The following LRRC37A2 variants were observed in gnomAD, a reference collection of about 807,000 sequenced individuals.
The protein encoded by LRRC37A2 is leucine rich repeat containing 37 member A2.
A neutral mutation model predicts 68.8 loss-of-function variants in LRRC37A2; 9 were observed. That is an observed-to-expected ratio of 0.13 (90% CI 0.08 to 0.23). The LOEUF is 0.23. Ranked by LOEUF, LRRC37A2 falls within the 10% of genes least tolerant of loss-of-function variation. The pLI is 1.00. For synonymous variants in LRRC37A2, 63 were observed against 367.6 expected (o/e 0.17, Z 9.48); for missense variants, 168 against 950.4 (o/e 0.18, Z 10.82).
At chr17:46,694,120 C>T in the LRRC37A2 span, among the ~76,000 whole-genome samples, 1 of 132,142 alleles carries the variant, frequency 7.6e-6, no homozygotes, top group Non-Finnish European at 1.5e-5. Flanking sequence ...CGCAGTGGCT[C>T]ACACCTGTAA....
the LRRC37A2 span, chr17:46,728,933 A>G: frequency 3.8e-6 from 6 of 1,580,826 alleles, no homozygotes. Context: ...GCACCTCCTC[A>G]GGTAAAATAA....
chr17:46,723,008 A>C, the LRRC37A2 span, among the ~76,000 whole-genome samples: 2 of 152,184 alleles, frequency 1.3e-5, no homozygotes, highest in African/African-American at 4.8e-5. Context: ...TTTTCCTCTC[A>C]AATGTTATGT....
chr17:46,938,815 G>T, the LRRC37A2 span: 8 of 1,611,836 alleles, frequency 5.0e-6, no homozygotes, highest in Non-Finnish European at 6.8e-6. Context: ...GTGTGTGTGT[G>T]TGTGAAAGAG....
At chr17:46,846,124 C>A in the LRRC37A2 span, among the ~76,000 whole-genome samples, 1 of 152,152 alleles carries the variant, frequency 6.6e-6, no homozygotes, top group Non-Finnish European at 1.5e-5. Context: ...TCCTCCAGGT[C>A]ACTACTTACT....
the LRRC37A2 span, among the ~76,000 whole-genome samples, chr17:46,987,452 A>T: frequency 6.6e-6 from 1 of 152,210 alleles, no homozygotes; most frequent in Non-Finnish European, 1.5e-5. Flanking sequence ...TCGCATTAAA[A>T]AATTTGACAA....
At chr17:46,981,921 C>G in the LRRC37A2 span, among the ~76,000 whole-genome samples, 1 of 151,978 alleles carries the variant, frequency 6.6e-6, no homozygotes, top group Non-Finnish European at 1.5e-5. Flanking sequence ...AGGATGGTCT[C>G]GAACTCCTGG....
At chr17:46,709,697 G>T in the LRRC37A2 span, among the ~76,000 whole-genome samples, 852 of 152,030 alleles carry the variant, frequency 5.6e-3, 11 homozygotes, top group African/African-American at 0.019. Flanking sequence ...GTTTCACCAC[G>T]TTGGCCAGGT....
At chr17:46,758,852 G>A in the LRRC37A2 span, among the ~76,000 whole-genome samples, 2 of 152,122 alleles carry the variant, frequency 1.3e-5, no homozygotes, top group African/African-American at 4.8e-5. Flanking sequence ...AAACACAGAA[G>A]GTGAAAGCAG....
the LRRC37A2 span, chr17:46,751,519 A>T: frequency 6.2e-7 from 1 of 1,613,864 alleles, no homozygotes; most frequent in East Asian, 2.2e-5. Context: ...GGCAACTTCA[A>T]GGATAAGGAA....
the LRRC37A2 span, chr17:46,876,953 TGAG>T: frequency 7.6e-7 from 1 of 1,312,110 alleles, no homozygotes; most frequent in Non-Finnish European, 9.7e-7. Context: ...CCAACCTTGT[TGAG>T]GACTTGGAGA....
chr17:46,989,235 G>A, the LRRC37A2 span, among the ~76,000 whole-genome samples: 106,425 of 152,048 alleles, frequency 0.7, 37,873 homozygotes, highest in Middle Eastern at 0.78. Context: ...GGTCTGTGAA[G>A]GCAGGAAATA....
the LRRC37A2 span, among the ~76,000 whole-genome samples, chr17:46,478,713 G>A: frequency 3.6e-5 from 4 of 112,308 alleles, no homozygotes; most frequent in Admixed American, 2.6e-4. Context: ...GAGAGTGAAC[G>A]CATGTCAGAT....
At chr17:46,908,457 C>G in the LRRC37A2 span, among the ~76,000 whole-genome samples, 1 of 152,140 alleles carries the variant, frequency 6.6e-6, no homozygotes, top group African/African-American at 2.4e-5. Context: ...TGCCTGGCCT[C>G]CGAGAACCGG....
At chr17:47,018,258 T>C in the LRRC37A2 span, 4 of 1,611,526 alleles carry the variant, frequency 2.5e-6, no homozygotes, top group Admixed American at 6.7e-5. Context: ...GCATGAACTT[T>C]CCATCAGTGA....
At chr17:46,495,234 T>G in the LRRC37A2 span, among the ~76,000 whole-genome samples, 1 of 143,984 alleles carries the variant, frequency 6.9e-6, no homozygotes, top group Non-Finnish European at 1.5e-5. Context: ...TTTCTTTGAT[T>G]TTTCTTTCTT....
At chr17:46,938,932 A>G in the LRRC37A2 span, 1 of 1,505,322 alleles carries the variant, frequency 6.6e-7, no homozygotes. Flanking sequence ...TTTCTGTGAC[A>G]TCTTGGAGGG....
the LRRC37A2 span, among the ~76,000 whole-genome samples, chr17:46,850,667 C>T: frequency 3.3e-5 from 5 of 152,210 alleles, no homozygotes; most frequent in Admixed American, 3.3e-4. Flanking sequence ...TTGTATGTCT[C>T]CTTTCTAGAC....
chr17:47,044,384 GTGTA>G, the LRRC37A2 span, among the ~76,000 whole-genome samples: 2 of 151,304 alleles, frequency 1.3e-5, no homozygotes, highest in Non-Finnish European at 3.0e-5. Flanking sequence ...TTGTGAAAAT[GTGTA>G]TATGGACCAC....
At chr17:46,915,930 T>C in the LRRC37A2 span, among the ~76,000 whole-genome samples, 1 of 152,366 alleles carries the variant, frequency 6.6e-6, no homozygotes, top group Admixed American at 6.5e-5. Context: ...TTCAGAACTC[T>C]GGGCTACTAA....
Sources: gnomAD v4.1 joint callset for allele counts (sites outside exome capture counted in the v4.1 genomes callset) on GRCh38, gnomAD v4.1.1 for gene constraint, MANE v1.5 for transcripts, NCBI Gene and HGNC (gene_info 2026-07-23, HGNC 2026-07-21) for gene names.